Variants in THOC2 observed in about 807,000 individuals in gnomAD.
The protein encoded by THOC2 is THO complex subunit 2.
A neutral mutation model predicts 128.4 loss-of-function variants in THOC2; 10 were observed. That is an observed-to-expected ratio of 0.08 (90% CI 0.05 to 0.13). The LOEUF (loss-of-function observed/expected upper bound fraction) is 0.13, where lower values mean the gene tolerates loss of function less well. Among genes scored for constraint, THOC2 ranks in the 10% least tolerant of loss-of-function variants. THOC2 has a pLI of 1.00. For missense variants in THOC2, 535 were observed against 1,155.7 expected (o/e 0.46, Z 7.79); for synonymous variants, 393 against 396.9 (o/e 0.99, Z 0.12).
chrX:123,623,516 C>A, intron 28 of THOC2: 2 of 536,510 alleles, frequency 3.7e-6, no homozygotes, highest in Non-Finnish European at 5.6e-6. Context: ...TTTTTTTACT[C>A]TTGAAGATCT....
Position 123,642,428 on chromosome X carries a change from C to T in THOC2, c.1662-1806G>A, listed in dbSNP as rs770982115. On this transcript the variant is annotated intron_variant, in intron 15 of 38. Coordinates refer to ENST00000245838, the MANE Select transcript of THOC2 (RefSeq NM_001081550.2). ...GGGCAACGGTGCAAAACTCCATCTCCCAAAAAAAAAAAAAAAAATAAGAAA... is the reference window on the plus strand; with the variant it reads ...GGGCAACGGTGCAAAACTCCATCTCTCAAAAAAAAAAAAAAAAATAAGAAA... Among the ~76,000 whole-genome samples, 6 of 103,055 alleles carry T rather than the reference C, an allele frequency of 5.8e-5. No homozygotes were observed. The South Asian group carries it at 1.3e-3, about 23-fold the overall frequency. 89.5% of individuals were successfully genotyped at this position (103,055 alleles called of 115,157 possible). A position where few individuals can be genotyped will look rare whatever the true frequency, so the allele number is the denominator to read the frequency against.
At chrX:123,686,210 T>A (rs1196157192) in intron 8 of THOC2, among the ~76,000 whole-genome samples, 1 of 111,099 alleles carries the variant, frequency 9.0e-6, no homozygotes, top group Non-Finnish European at 1.9e-5. Flanking sequence ...ACATCTTGAT[T>A]CTCACATTGT....
At chrX:123,693,277 G>T (rs2050304237) in intron 7 of THOC2, among the ~76,000 whole-genome samples, 1 of 111,524 alleles carries the variant, frequency 9.0e-6, no homozygotes, top group Admixed American at 9.5e-5. Flanking sequence ...CAGCCAACTT[G>T]GTGAAACCCC....
At chrX:123,689,176 C>T (rs1164874142) in intron 7 of THOC2, among the ~76,000 whole-genome samples, 1 of 112,313 alleles carries the variant, frequency 8.9e-6, no homozygotes, top group Non-Finnish European at 1.9e-5. Context: ...AACAGCATTA[C>T]TTCATCAAGG....
chrX:123,621,813 A>C (rs1435480951), intron 30 of THOC2, among the ~76,000 whole-genome samples: 2 of 111,190 alleles, frequency 1.8e-5, no homozygotes, highest in Non-Finnish European at 3.8e-5. Context: ...GAGGCTGAGG[A>C]GGGTGGATCA....
chrX:123,667,193 A>G lies in THOC2; in HGVS notation c.1103T>C (p.Met368Thr). The G allele has an allele frequency of 1.7e-6, 2 of 1,204,702 alleles. No individual in the cohort carries two copies. The highest frequency in any genetic ancestry group is 1.1e-6 in the Non-Finnish European group (1 of 889,467). Residue 368 changes from methionine to threonine, a missense_variant, in exon 11 of 39, where the codon ATG becomes ACG. Physicochemically the swap from Met to Thr is moderately conservative, Grantham distance 81. Around this residue, in one of 9 missense-constraint regions of THOC2, gnomAD observed 197 missense variants for 313.4 expected, o/e 0.63. Coordinates refer to ENST00000245838, the MANE Select transcript of THOC2 (RefSeq NM_001081550.2). ...WQHAQNIMDQ[M>T]PPYYAASHKL... ...GTGTGAAGCTGCATAGTATGGAGGC[A>G]TCTGATCCATAATGTTCTGTGCATG...
rs1291320027 is a variant in THOC2 at position 123,721,014 on chromosome X, A to AT, written c.72-8107dup. 5.4e-5 allele frequency among the ~76,000 whole-genome samples: 6 copies of AT among 111,708 alleles called. No individual in the cohort carries two copies. In the East Asian group the frequency reaches 1.7e-3, roughly 31 times the overall value. Reference sequence around the variant, plus strand: ...TAACATTGTACTTATAGTTGACAATATTGTACTGCTCACTTAAAATTTGCT... The same window carrying AT: ...TAACATTGTACTTATAGTTGACAATATTTGTACTGCTCACTTAAAATTTGCT... On this transcript the variant is annotated intron_variant, in intron 1 of 38. Transcript: ENST00000245838.
At chrX:123,659,766 G>A (rs1432375000) in intron 12 of THOC2, among the ~76,000 whole-genome samples, 2 of 112,027 alleles carry the variant, frequency 1.8e-5, no homozygotes, top group Non-Finnish European at 3.8e-5. Flanking sequence ...TCTGGTACAA[G>A]TATATAAGCC....
intron 36 of THOC2, among the ~76,000 whole-genome samples, chrX:123,612,308 C>T (rs1241417502): frequency 1.8e-5 from 2 of 111,633 alleles, no homozygotes; most frequent in South Asian, 3.7e-4. Context: ...AATGGATAAA[C>T]AAATGTGGTA....
intron 38 of THOC2, among the ~76,000 whole-genome samples, chrX:123,605,982 A>G (rs1462312581): frequency 9.0e-6 from 1 of 111,664 alleles, no homozygotes; most frequent in African/African-American, 3.3e-5. Flanking sequence ...GCACCTAGAC[A>G]AGTCTAGCTG....
chrX:123,702,321 C>T (rs907917705), intron 4 of THOC2, among the ~76,000 whole-genome samples: 2 of 108,562 alleles, frequency 1.8e-5, no homozygotes, highest in African/African-American at 6.7e-5. Flanking sequence ...GCAATGTCTT[C>T]TATTAGATTC....
At position 123,611,496 on chromosome X, in the gene THOC2, T is replaced by C; in HGVS notation, c.4698A>G (p.Glu1566=). The change falls in exon 37 of 39, where the codon GAA becomes GAG. Residue 1566 remains glutamate (E), a synonymous_variant. Coordinates refer to ENST00000245838, the MANE Select transcript of THOC2 (RefSeq NM_001081550.2). ...CCCGTTTCTCTTTCTTTTCTATCTT[T>C]TCTTTATCATGCCTGGACTCCTATA... ...GGKKESRHDK[E]KIEKKEKRDS... is the part of the protein sequence containing the mutation. 7.6e-6 allele frequency: 9 copies of C among 1,180,382 alleles called. No individual in the cohort carries two copies. The highest frequency in any genetic ancestry group is 1.0e-5 in the Non-Finnish European group (9 of 867,885).
rs191115362 is a variant in THOC2 at position 123,677,402 on chromosome X, T to C, written c.769-5641A>G. Among the ~76,000 whole-genome samples, 423 of 112,076 alleles carry C rather than the reference T, an allele frequency of 3.8e-3. 2 individuals carry two copies. The highest frequency in any genetic ancestry group is 0.013 in the African/African-American group (398 of 30,913). ...ATTATTTTAATATTTCTTTCTTCAATAAATTAAAATAAATTAAGCTTAGTT... is the reference window on the plus strand; with the variant it reads ...ATTATTTTAATATTTCTTTCTTCAACAAATTAAAATAAATTAAGCTTAGTT... On this transcript the variant is annotated intron_variant, in intron 8 of 38. Coordinates refer to ENST00000245838, the MANE Select transcript of THOC2 (RefSeq NM_001081550.2).
At chrX:123,628,808 G>C (rs1406118528) in intron 22 of THOC2, among the ~76,000 whole-genome samples, 2 of 110,725 alleles carry the variant, frequency 1.8e-5, no homozygotes, top group East Asian at 5.6e-4. Flanking sequence ...CCAATTGTCA[G>C]GGTTTGCTGG....
At chrX:123,678,414 C>T (rs1274592629) in intron 8 of THOC2, among the ~76,000 whole-genome samples, 2 of 109,177 alleles carry the variant, frequency 1.8e-5, no homozygotes, top group South Asian at 4.1e-4. Context: ...TACAGGTCTG[C>T]ACCACCAAGC....
Position 123,645,322 on chromosome X carries a change from C to T in THOC2, c.1428+12G>A, listed in dbSNP as rs753437347. The T allele has an allele frequency of 1.8e-6, 2 of 1,126,555 alleles. No homozygotes were observed. Among genetic ancestry groups the T allele is most frequent in the East Asian group, 3.1e-5 (1 of 32,537 alleles). The allele number at this position is 1,126,555 out of a possible 1,213,427, so 92.8% of individuals were successfully genotyped here. On this transcript the variant is annotated intron_variant, in intron 13 of 38. Transcript: ENST00000245838. ...ACATTAGACACATTATTGGATTTTT[C>T]TAGTCTCTTACCGTTTTTTCTTTAT... is the stretch of plus-strand genomic sequence containing the variant.
Position 123,645,347 on chromosome X carries a change from T to G in THOC2, c.1415A>C (p.Asp472Ala). The change falls in exon 13 of 39, where the codon GAT (aspartate) becomes GCT (alanine). Residue 472 changes from aspartate (D) to alanine (A), a missense_variant. Physicochemically the swap from Asp to Ala is moderately radical, Grantham distance 126 (BLOSUM62 -2). Around this residue, in one of 9 missense-constraint regions of THOC2, gnomAD observed 197 missense variants for 313.4 expected, o/e 0.63. Coordinates refer to ENST00000245838, the MANE Select transcript of THOC2 (RefSeq NM_001081550.2). ...CTAGTCTCTTACCGTTTTTTCTTTA[T>G]CTTCTTGTTTGCTTCCATCAGACTG... Reference protein sequence around the residue: ...EFQSDGSKQEDKEKTEVILSC... With the variant: ...EFQSDGSKQEAKEKTEVILSC... The G allele has an allele frequency of 1.8e-6, 2 of 1,137,599 alleles. No individual in the cohort carries two copies. Among genetic ancestry groups the G allele is most frequent in the Non-Finnish European group, 2.4e-6 (2 of 843,276 alleles). 93.8% of individuals were successfully genotyped at this position (1,137,599 alleles called of 1,213,427 possible).
intron 38 of THOC2, among the ~76,000 whole-genome samples, chrX:123,608,978 C>T (rs893280739): frequency 3.6e-5 from 4 of 112,055 alleles, no homozygotes; most frequent in African/African-American, 1.3e-4. Context: ...GGGTAAAATA[C>T]AAATTCATGG....
chrX:123,678,804 A>G (rs1161566320), intron 8 of THOC2, among the ~76,000 whole-genome samples: 1 of 105,479 alleles, frequency 9.5e-6, no homozygotes, highest in Non-Finnish European at 2.0e-5. Context: ...AACCTCCAAT[A>G]CCTCCCTCTC....
Sources: gnomAD v4.1 joint callset for allele counts (sites outside exome capture counted in the v4.1 genomes callset) on GRCh38, gnomAD v4.1.1 for gene constraint, gnomAD v4.1.1 regional missense constraint, MANE v1.5 for transcripts, NCBI Gene and HGNC (gene_info 2026-07-23, HGNC 2026-07-21) for gene names.